PTPRT: variants seen among roughly 807,000 people sequenced by gnomAD.
PTPRT encodes the protein protein tyrosine phosphatase receptor type T, also known as receptor-type tyrosine-protein phosphatase T.
In PTPRT, 56 loss-of-function variants were observed where a neutral mutation model predicts 176.8. The ratio of observed to expected loss-of-function variants is 0.32; its 90% CI spans 0.26 to 0.40. The LOEUF is 0.40. Ranked by LOEUF, PTPRT falls within the 10% of genes least tolerant of loss-of-function variation. The pLI is 1.00. For missense variants in PTPRT, 1,540 were observed against 1,908.2 expected (o/e 0.81, Z 3.60); for synonymous variants, 783 against 739.0 (o/e 1.06, Z -0.96).
chr20:42,292,357 A>T (rs1352336965), intron 12 of PTPRT, among the ~76,000 whole-genome samples: 1 of 150,230 alleles, frequency 6.7e-6, no homozygotes, highest in Non-Finnish European at 1.5e-5. Flanking sequence ...TTTGAAACAG[A>T]GTTTTGCTCT....
intron 7 of PTPRT, among the ~76,000 whole-genome samples, chr20:42,594,038 C>A (rs1353697717): frequency 1.3e-5 from 2 of 151,870 alleles, no homozygotes. Context: ...CAGAGAGTAC[C>A]GGAGGAGAAG....
intron 1 of PTPRT, among the ~76,000 whole-genome samples, chr20:43,172,371 G>A (rs1315439032): frequency 6.6e-6 from 1 of 152,134 alleles, no homozygotes; most frequent in Non-Finnish European, 1.5e-5. Context: ...TATGCAATTC[G>A]CAAGCCCTTG....
chr20:42,840,974 G>C (rs1002400843), intron 2 of PTPRT, among the ~76,000 whole-genome samples: 8 of 152,068 alleles, frequency 5.3e-5, no homozygotes, highest in Non-Finnish European at 8.8e-5. Context: ...CTTTTGCCTT[G>C]GCTCACTTGG....
intron 17 of PTPRT, among the ~76,000 whole-genome samples, chr20:42,156,968 T>C (rs921095245): frequency 1.3e-5 from 2 of 152,200 alleles, no homozygotes; most frequent in Admixed American, 6.5e-5. Flanking sequence ...TGGCTTTCCA[T>C]TTTAGTCAGA....
At chr20:43,019,770 G>C (rs554877325) in intron 1 of PTPRT, among the ~76,000 whole-genome samples, 1 of 151,948 alleles carries the variant, frequency 6.6e-6, no homozygotes, top group Non-Finnish European at 1.5e-5. Context: ...GGCCCAGATG[G>C]AATAAAAAGC....
chr20:42,885,737 T>C (rs1436860018), intron 2 of PTPRT, 70 bp downstream of exon 2: 4 of 1,546,874 alleles, frequency 2.6e-6, no homozygotes, highest in Non-Finnish European at 8.8e-7. Flanking sequence ...GTAAGTAAGT[T>C]CTTCCCCCCA....
At chr20:42,508,125 T>TGTGTGTGTGTGTG in intron 7 of PTPRT, among the ~76,000 whole-genome samples, 2 of 146,666 alleles carry the variant, frequency 1.4e-5, no homozygotes, top group African/African-American at 2.6e-5. Context: ...TAATTACCCT[T>TGTGTGTGTGTGTG]TTTGTGTGTG....
chr20:42,540,513 G>A (rs1457676826), intron 7 of PTPRT, among the ~76,000 whole-genome samples: 2 of 152,150 alleles, frequency 1.3e-5, no homozygotes, highest in African/African-American at 2.4e-5. Flanking sequence ...CCCAGAGGAC[G>A]GCACAGAGAG....
intron 9 of PTPRT, among the ~76,000 whole-genome samples, chr20:42,392,852 A>G (rs1016678345): frequency 6.6e-6 from 1 of 152,232 alleles, no homozygotes; most frequent in Admixed American, 6.5e-5. Context: ...CACCTAAAAC[A>G]AAAGACAGAT....
chr20:42,866,026 C>G (rs1288740170), intron 2 of PTPRT, among the ~76,000 whole-genome samples: 1 of 152,212 alleles, frequency 6.6e-6, no homozygotes, highest in East Asian at 1.9e-4. Context: ...CAGTGGTTCT[C>G]AAGATCAATG....
At chr20:42,968,124 G>A (rs1982407705) in intron 1 of PTPRT, among the ~76,000 whole-genome samples, 1 of 152,096 alleles carries the variant, frequency 6.6e-6, no homozygotes, top group South Asian at 2.1e-4. Flanking sequence ...CCCCTTTCAA[G>A]TCTATGTTCA....
intron 16 of PTPRT, among the ~76,000 whole-genome samples, chr20:42,180,975 T>C (rs1288122045): frequency 1.3e-5 from 2 of 152,188 alleles, no homozygotes; most frequent in Non-Finnish European, 2.9e-5. Context: ...AATCTCCACA[T>C]GTGTGAAAGA....
rs1222950570 is a variant in PTPRT, at chr20:42,876,184, T to A, written c.214+9623A>T. Among the ~76,000 whole-genome samples, 5 of 152,264 alleles carry A rather than the reference T, an allele frequency of 3.3e-5. No homozygotes were observed. In the South Asian group the frequency reaches 1.0e-3, roughly 32 times the overall value. On this transcript the variant is annotated intron_variant, in intron 2 of 30. Transcript: ENST00000373187. The stretch of plus-strand genomic sequence containing the variant: ...TCAGCATTTTTTAAGAATAAATATA[T>A]AATATTTTGTCATTAAAGAGGAAAG...
At chr20:43,170,754 T>TC (rs1429863535) in intron 1 of PTPRT, among the ~76,000 whole-genome samples, 1 of 152,196 alleles carries the variant, frequency 6.6e-6, no homozygotes, top group Non-Finnish European at 1.5e-5. Flanking sequence ...GGATGCAGAC[T>TC]CAGTAAGTGG....
At chr20:42,813,139 T>C (rs540313795) in intron 2 of PTPRT, among the ~76,000 whole-genome samples, 1 of 152,296 alleles carries the variant, frequency 6.6e-6, no homozygotes, top group African/African-American at 2.4e-5. Context: ...TTATGGGCTC[T>C]TTAATCCTAT....
intron 2 of PTPRT, among the ~76,000 whole-genome samples, chr20:42,802,254 G>C (rs1394049601): frequency 6.6e-6 from 1 of 152,210 alleles, no homozygotes; most frequent in Non-Finnish European, 1.5e-5. Context: ...CCCCAGCCCT[G>C]ATAGGGCAGG....
intron 16 of PTPRT, among the ~76,000 whole-genome samples, chr20:42,184,518 C>CTTCTTCTT (rs1555797923): frequency 8.4e-4 from 46 of 54,482 alleles, no homozygotes; most frequent in South Asian, 4.8e-3. Context: ...TCCTCCTCCT[C>CTTCTTCTT]CTTCTTCTTC....
the PTPRT span, among the ~76,000 whole-genome samples, chr20:42,061,363 C>T: frequency 4.6e-5 from 7 of 152,076 alleles, no homozygotes; most frequent in African/African-American, 1.4e-4. Flanking sequence ...AGAATGAGCC[C>T]GCGCAGTGCA....
chr20:42,618,032 A>G (rs1703327315), intron 7 of PTPRT, among the ~76,000 whole-genome samples: 1 of 136,600 alleles, frequency 7.3e-6, no homozygotes, highest in Non-Finnish European at 1.5e-5. Context: ...TTGTGATGTT[A>G]GGGTGTCAAT....
Sources: gnomAD v4.1 joint callset for allele counts (sites outside exome capture counted in the v4.1 genomes callset) on GRCh38, gnomAD v4.1.1 for gene constraint, MANE v1.5 for transcripts, NCBI Gene and HGNC (gene_info 2026-07-23, HGNC 2026-07-21) for gene names.